The following GRIP1 variants were observed in gnomAD, a reference collection of about 807,000 sequenced individuals.
The protein encoded by GRIP1 is glutamate receptor interacting protein 1, also known as glutamate receptor-interacting protein 1.
A neutral mutation model predicts 129.9 loss-of-function variants in GRIP1; 45 were observed. That is an observed-to-expected ratio of 0.35 (90% confidence interval 0.27 to 0.44). The LOEUF is 0.44. GRIP1 is among the 20% of genes least tolerant of loss of function. GRIP1 has a pLI of 1.00. For synonymous variants in GRIP1, 530 were observed against 520.8 expected, an observed-to-expected ratio of 1.02 and a Z score of -0.24; for missense variants, 1,196 against 1,396.8, an observed-to-expected ratio of 0.86 and a Z score of 2.29.
chr12:66,859,510 A>G (rs2040074940), intron 1 of GRIP1, among the ~76,000 whole-genome samples: 1 of 152,014 alleles, frequency 6.6e-6, no homozygotes, highest in Admixed American at 6.6e-5. Flanking sequence ...TAGAAAAAAA[A>G]GTGACTCTGA....
intron 3 of GRIP1, among the ~76,000 whole-genome samples, chr12:66,539,634 T>A (rs2061714927): frequency 7.0e-6 from 1 of 143,368 alleles, no homozygotes; most frequent in Admixed American, 7.3e-5. Context: ...ACAACACATG[T>A]CTTTTTATTC....
intron 1 of GRIP1, among the ~76,000 whole-genome samples, chr12:66,754,761 C>T (rs966069849): frequency 4.6e-5 from 7 of 152,060 alleles, no homozygotes; most frequent in South Asian, 2.1e-4. Flanking sequence ...GAAATGAAAA[C>T]GGGAGGATAG....
At chr12:66,899,306 G>A (rs954328409) in intron 1 of GRIP1, among the ~76,000 whole-genome samples, 1 of 152,014 alleles carries the variant, frequency 6.6e-6, no homozygotes, top group Non-Finnish European at 1.5e-5. Flanking sequence ...GCTGCTGTCA[G>A]GACAGAATGT....
intron 4 of GRIP1, among the ~76,000 whole-genome samples, chr12:66,536,679 C>T (rs138655397): frequency 3.3e-5 from 5 of 152,306 alleles, no homozygotes; most frequent in African/African-American, 9.6e-5. Flanking sequence ...TCTCCTTGCA[C>T]TGCTTTTTCG....
intron 1 of GRIP1, among the ~76,000 whole-genome samples, chr12:66,798,042 T>C (rs896718637): frequency 2.6e-5 from 4 of 152,162 alleles, no homozygotes; most frequent in East Asian, 1.9e-4. Context: ...AATATGAACA[T>C]TGCTCTTCCA....
chr12:66,630,002 A>C (rs1194817786), intron 1 of GRIP1, among the ~76,000 whole-genome samples: 1 of 152,064 alleles, frequency 6.6e-6, no homozygotes, highest in Admixed American at 6.6e-5. Context: ...TTTAAATAAT[A>C]AATTTTGCAG....
At chr12:66,623,344 G>T (rs1426141144) in intron 1 of GRIP1, among the ~76,000 whole-genome samples, 1 of 152,076 alleles carries the variant, frequency 6.6e-6, no homozygotes, top group African/African-American at 2.4e-5. Flanking sequence ...ATTCTTATCT[G>T]CAGTATTCAG....
At chr12:66,563,131 T>A (rs574101698) in intron 2 of GRIP1, among the ~76,000 whole-genome samples, 4 of 152,152 alleles carry the variant, frequency 2.6e-5, no homozygotes, top group Non-Finnish European at 5.9e-5. Flanking sequence ...TATGTATGTG[T>A]GTATGTATAC....
intron 2 of GRIP1, among the ~76,000 whole-genome samples, chr12:66,583,289 A>C (rs1260986161): frequency 6.6e-6 from 1 of 150,456 alleles, no homozygotes; most frequent in Admixed American, 6.7e-5. Context: ...CGTTAGACCT[A>C]AAACCATAAA....
In GRIP1 at chr12:66,524,980, G is replaced by A. The variant is rs1592484235; in HGVS notation, c.502+4851C>T. On this transcript the variant is annotated intron_variant, in intron 5 of 24. Transcript: ENST00000359742. ...ATACACCCTCCCAAGACTAAACCAG[G>A]AAGAAGTTGAATCTCTGAATAGACC... Among the ~76,000 whole-genome samples the A allele has an allele frequency of 3.3e-5, 5 of 152,224 alleles. No individual in the cohort carries two copies. The East Asian group carries it at 9.7e-4, about 29-fold the overall frequency.
chr12:66,692,829 G>A (rs554155049), intron 1 of GRIP1, among the ~76,000 whole-genome samples: 9 of 152,282 alleles, frequency 5.9e-5, no homozygotes, highest in Non-Finnish European at 1.0e-4. Context: ...AATGAGCTAC[G>A]ACAAGTTACT....
chr12:66,476,421 G>T (rs902900714), intron 7 of GRIP1, among the ~76,000 whole-genome samples: 1 of 152,070 alleles, frequency 6.6e-6, no homozygotes, highest in Non-Finnish European at 1.5e-5. Context: ...ATTCACAGCC[G>T]AATTCTACCA....
At chr12:66,856,682 C>G (rs1302622956) in intron 1 of GRIP1, among the ~76,000 whole-genome samples, 1 of 151,644 alleles carries the variant, frequency 6.6e-6, no homozygotes, top group Non-Finnish European at 1.5e-5. Flanking sequence ...GATACCATCT[C>G]ACACCAGTTA....
intron 7 of GRIP1, among the ~76,000 whole-genome samples, chr12:66,513,651 G>A (rs927498045): frequency 6.6e-6 from 1 of 152,080 alleles, no homozygotes; most frequent in Non-Finnish European, 1.5e-5. Flanking sequence ...AAAGGAAACT[G>A]ATTTTTTGTA....
At chr12:66,683,128 T>C (rs2034649686), upstream of GRIP1, among the ~76,000 whole-genome samples, 1 of 152,062 alleles carries the variant, frequency 6.6e-6, no homozygotes, top group Non-Finnish European at 1.5e-5. Context: ...AAACTCAGTG[T>C]TCTCGGAGGT....
intron 1 of GRIP1, among the ~76,000 whole-genome samples, chr12:67,006,151 G>T (rs150048503): frequency 1.0e-3 from 156 of 152,252 alleles, no homozygotes; most frequent in African/African-American, 3.6e-3. Context: ...AGGGAAAGGG[G>T]TAGAAAGAGA....
chr12:66,524,133 A>T (rs1344739894), intron 5 of GRIP1, among the ~76,000 whole-genome samples: 1 of 152,172 alleles, frequency 6.6e-6, no homozygotes, highest in African/African-American at 2.4e-5. Flanking sequence ...ACAGAAAGTT[A>T]ACAAGGATAC....
chr12:66,460,698 A>G (rs1032023248), intron 9 of GRIP1, among the ~76,000 whole-genome samples: 4 of 152,222 alleles, frequency 2.6e-5, no homozygotes, highest in Non-Finnish European at 5.9e-5. Context: ...TGCTAACACA[A>G]TCTGGAAATT....
At chr12:66,460,111 C>T (rs1355419948) in intron 9 of GRIP1, among the ~76,000 whole-genome samples, 1 of 152,144 alleles carries the variant, frequency 6.6e-6, no homozygotes, top group Non-Finnish European at 1.5e-5. Context: ...AGTTGGGTAA[C>T]TTGCTTAAGA....
Sources: gnomAD v4.1 joint callset for allele counts (sites outside exome capture counted in the v4.1 genomes callset) on GRCh38, gnomAD v4.1.1 for gene constraint, MANE v1.5 for transcripts, NCBI Gene and HGNC (gene_info 2026-07-23, HGNC 2026-07-21) for gene names.